The following TNFRSF11A variants were observed in gnomAD, a reference collection of about 807,000 sequenced individuals.
The protein encoded by TNFRSF11A is TNF receptor superfamily member 11a, also known as tumor necrosis factor receptor superfamily member 11A.
In TNFRSF11A, 32 loss-of-function variants were observed where a neutral mutation model predicts 55.7. The ratio of observed to expected loss-of-function variants is 0.57; its 90% CI spans 0.43 to 0.77. The LOEUF is 0.77. Ranked by LOEUF, TNFRSF11A falls within the 30% of genes least tolerant of loss-of-function variation. The pLI is 0.00. For synonymous variants in TNFRSF11A, 311 were observed against 331.0 expected, an observed-to-expected ratio of 0.94 and a Z score of 0.65; for missense variants, 753 against 809.8, an observed-to-expected ratio of 0.93 and a Z score of 0.85.
At chr18:62,356,597 G>A (rs975269271) in intron 4 of TNFRSF11A, among the ~76,000 whole-genome samples, 1 of 152,156 alleles carries the variant, frequency 6.6e-6, no homozygotes, top group Non-Finnish European at 1.5e-5. Context: ...GTCCCACCCT[G>A]CATAATTTCA....
At chr18:62,356,543 T>G (rs548035281) in intron 4 of TNFRSF11A, among the ~76,000 whole-genome samples, 17 of 152,312 alleles carry the variant, frequency 1.1e-4, no homozygotes, top group Non-Finnish European at 2.4e-4. Flanking sequence ...CAAAATAGGT[T>G]GAGGATAGAG....
intron 3 of TNFRSF11A, among the ~76,000 whole-genome samples, chr18:62,354,020 A>G (rs954718290): frequency 6.6e-6 from 1 of 152,234 alleles, no homozygotes; most frequent in Admixed American, 6.5e-5. Context: ...TTAGTCTTAT[A>G]CATATGGCAT....
At position 62,368,810 on chromosome 18, in the gene TNFRSF11A, A is replaced by T; in HGVS notation, c.893A>T (p.Asp298Val). Residue 298 changes from aspartate (D) to valine (V), a missense_variant, in exon 9 of 10, where the codon GAT (aspartate) becomes GTT (valine). Physicochemically the swap from Asp to Val is radical, Grantham distance 152. Coordinates refer to ENST00000586569, the MANE Select transcript of TNFRSF11A (RefSeq NM_003839.4). The stretch of plus-strand genomic sequence containing the variant: ...CTGGAGGAGAAGACATTTCCAGAAG[A>T]TATGTGCTACCCAGATCAAGGTGGT... ...LTLEEKTFPE[D>V]MCYPDQGGVC... 1 of 1,614,250 alleles carries T rather than the reference A, an allele frequency of 6.2e-7. No homozygotes were observed. The highest frequency in any genetic ancestry group is 1.1e-5 in the South Asian group (1 of 91,088).
At position 62,385,118 on chromosome 18, in the gene TNFRSF11A, C is replaced by T. The variant is rs1044522322; in HGVS notation, c.*84C>T. ...CAGCCTCTGCCCCAGCCCCGGCCACCCAGGGATCGATCGGTACAGTCGAGG... is the reference window on the plus strand; with the variant it reads ...CAGCCTCTGCCCCAGCCCCGGCCACTCAGGGATCGATCGGTACAGTCGAGG... On this transcript the variant is annotated 3_prime_UTR_variant, in exon 10 of 10. Coordinates refer to ENST00000586569, the MANE Select transcript of TNFRSF11A (RefSeq NM_003839.4). 3.0e-6 allele frequency: 4 copies of T among 1,353,206 alleles called. No homozygotes were observed. The African/African-American group carries it at 6.2e-5, about 21-fold the overall frequency. The allele number at this position is 1,353,206 out of a possible 1,614,324, so 83.8% of individuals were successfully genotyped here. A position where few individuals can be genotyped will look rare whatever the true frequency, so the allele number is the denominator to read the frequency against.
intron 7 of TNFRSF11A, 132 bp downstream of exon 7, chr18:62,361,925 A>G (rs1909718790): frequency 1.2e-6 from 1 of 859,740 alleles, no homozygotes; most frequent in Non-Finnish European, 1.9e-6. Context: ...AACACGTTTT[A>G]TCATTCTCTG....
intron 1 of TNFRSF11A, among the ~76,000 whole-genome samples, chr18:62,338,451 A>G (rs2046265271): frequency 6.6e-6 from 1 of 152,252 alleles, no homozygotes; most frequent in African/African-American, 2.4e-5. Context: ...TAAACAAGAT[A>G]TGGTCTATAC....
chr18:62,361,394 T>C (rs1909669687), intron 6 of TNFRSF11A, among the ~76,000 whole-genome samples: 1 of 152,094 alleles, frequency 6.6e-6, no homozygotes, highest in Admixed American at 6.6e-5. Context: ...GACTGGGTGA[T>C]GTGGTGAGCA....
At chr18:62,352,036 T>TC (rs1022133153) in intron 3 of TNFRSF11A, among the ~76,000 whole-genome samples, 17 of 152,056 alleles carry the variant, frequency 1.1e-4, no homozygotes, top group African/African-American at 3.6e-4. Flanking sequence ...CCTCAAGGGA[T>TC]CCCCCCGCCT....
chr18:62,358,413 G>C, intron 5 of TNFRSF11A, 72 bp downstream of exon 5: 1 of 1,420,518 alleles, frequency 7.0e-7, no homozygotes, highest in Non-Finnish European at 9.9e-7. Flanking sequence ...TCTCGTCTGG[G>C]TTGAAAACGG....
chr18:62,348,774 C>T (rs533180108), intron 2 of TNFRSF11A, among the ~76,000 whole-genome samples: 1 of 152,334 alleles, frequency 6.6e-6, no homozygotes, highest in East Asian at 1.9e-4. Context: ...ATTTCTGCAG[C>T]CCCAGTGAAA....
rs564197502 is a variant in TNFRSF11A, at chr18:62,384,922, C to G, written c.1739C>G (p.Ser580Cys). Reference protein sequence around the residue: ...VQEETLARRDSFAGNGPRFPD... With the variant: ...VQEETLARRDCFAGNGPRFPD... ...GAGGAGACCCTGGCGCGCCGAGACT[C>G]CTTCGCGGGGAACGGCCCGCGCTTC... Residue 580 changes from serine (S) to cysteine (C), a missense_variant, in exon 10 of 10, where the codon TCC (serine) becomes TGC (cysteine). Ser to Cys is a moderately radical substitution (Grantham distance 112). Transcript: ENST00000586569. The G allele has an allele frequency of 4.4e-5, 68 of 1,557,304 alleles. No individual in the cohort carries two copies. The African/African-American group carries it at 6.6e-4, about 15-fold the overall frequency.
intron 6 of TNFRSF11A, among the ~76,000 whole-genome samples, chr18:62,360,628 G>A (rs1036071078): frequency 2.0e-5 from 3 of 152,058 alleles, no homozygotes; most frequent in African/African-American, 7.3e-5. Context: ...TGTGTTTTTA[G>A]TAGAGACAGG....
At chr18:62,359,665 C>T (rs1360803741) in intron 5 of TNFRSF11A, among the ~76,000 whole-genome samples, 5 of 152,242 alleles carry the variant, frequency 3.3e-5, no homozygotes. Context: ...AGGCCTGAGC[C>T]ACCCAGGCAC....
chr18:62,379,618 C>T (rs763307758), intron 9 of TNFRSF11A, among the ~76,000 whole-genome samples: 2 of 152,188 alleles, frequency 1.3e-5, no homozygotes, highest in Non-Finnish European at 2.9e-5. Flanking sequence ...AAGGCTCCTG[C>T]ACTTAGACTG....
chr18:62,339,451 A>G (rs2046280891), intron 1 of TNFRSF11A, among the ~76,000 whole-genome samples: 1 of 151,776 alleles, frequency 6.6e-6, no homozygotes, highest in African/African-American at 2.4e-5. Context: ...CAGGGTTGCA[A>G]TTCTCCTTCC....
At position 62,386,960 on chromosome 18, in the gene TNFRSF11A, CAG is replaced by C. The variant is rs1265718250; in HGVS notation, c.*1929_*1930del. 2.0e-5 allele frequency: 3 copies of C among 152,198 alleles called. No homozygotes were observed. Among genetic ancestry groups the C allele is most frequent in the Admixed American group, 1.3e-4 (2 of 15,278 alleles). The allele number at this position is 152,198 out of a possible 1,614,324, so 9.4% of individuals were successfully genotyped here. A position where few individuals can be genotyped will look rare whatever the true frequency, so the allele number is the denominator to read the frequency against. On this transcript the variant is annotated 3_prime_UTR_variant, in exon 10 of 10. Transcript: ENST00000586569. ...ATACCTTTTGATATGGAATATATTA[CAG>C]AGTTACAGTTCACAAAGTAGAATGC...
intron 1 of TNFRSF11A, among the ~76,000 whole-genome samples, chr18:62,329,161 TG>T (rs2046115419): frequency 6.6e-6 from 1 of 152,226 alleles, no homozygotes. Flanking sequence ...CTGTATCCAG[TG>T]GTCTCTAGGA....
chr18:62,365,811 T>C (rs1047118604), intron 7 of TNFRSF11A, among the ~76,000 whole-genome samples: 6 of 152,022 alleles, frequency 3.9e-5, no homozygotes, highest in African/African-American at 1.4e-4. Flanking sequence ...TTTTTTATTT[T>C]TTTATTTTAT....
intron 1 of TNFRSF11A, among the ~76,000 whole-genome samples, chr18:62,326,739 AT>A (rs2046081602): frequency 6.6e-6 from 1 of 152,246 alleles, no homozygotes; most frequent in Non-Finnish European, 1.5e-5. Context: ...CTTTCAACAA[AT>A]GCTGTTTCCC....
Sources: gnomAD v4.1 joint callset for allele counts (sites outside exome capture counted in the v4.1 genomes callset) on GRCh38, gnomAD v4.1.1 for gene constraint, MANE v1.5 for transcripts, NCBI Gene and HGNC (gene_info 2026-07-23, HGNC 2026-07-21) for gene names.